AQP11: variants seen among roughly 807,000 people sequenced by gnomAD.
The protein encoded by AQP11 is aquaporin-11.
In AQP11, 20 loss-of-function variants were observed where a neutral mutation model predicts 21.1. The ratio of observed to expected loss-of-function variants is 0.95; its 90% CI spans 0.67 to 1.38. The LOEUF is 1.38. AQP11 is among the 40% of genes most tolerant of loss of function. The pLI is 0.00. For missense variants in AQP11, 339 were observed against 340.4 expected (o/e 1.00, Z 0.03); for synonymous variants, 167 against 150.1 (o/e 1.11, Z -0.82).
chr11:77,602,180 T>A (rs1045279254), intron 1 of AQP11, among the ~76,000 whole-genome samples: 5 of 152,194 alleles, frequency 3.3e-5, no homozygotes, highest in Admixed American at 3.3e-4. Context: ...GGTGTTCATC[T>A]TAGATCTAGT....
At chr11:77,594,910 G>A (rs12577552) in intron 1 of AQP11, among the ~76,000 whole-genome samples, 23,974 of 151,734 alleles carry the variant, frequency 0.16, 2,222 homozygotes, top group African/African-American at 0.23. Flanking sequence ...AAAGCTGTGC[G>A]ATTTATTAAC....
intron 1 of AQP11, among the ~76,000 whole-genome samples, chr11:77,596,373 G>A (rs935776205): frequency 4.7e-5 from 7 of 150,256 alleles, no homozygotes; most frequent in East Asian, 1.9e-4. Flanking sequence ...CCTGGGAGGC[G>A]GAGGTTGCAG....
chr11:77,609,172 G>A (rs896445987), intron 2 of AQP11, 126 bp from the exon 3 acceptor site: 24 of 584,164 alleles, frequency 4.1e-5, no homozygotes, highest in Non-Finnish European at 3.3e-5. Flanking sequence ...AATTGATGTA[G>A]CCAATTCTTT....
chr11:77,590,267 C>T lies in AQP11; in HGVS notation c.275C>T (p.Thr92Ile). Residue 92 changes from threonine to isoleucine, a missense_variant, in exon 1 of 3, where the codon ACT becomes ATT. Coordinates refer to ENST00000313578, the MANE Select transcript of AQP11 (RefSeq NM_173039.3). Reference sequence around the variant, plus strand: ...TTCTTCTCGCTTGTGCATGGCCTGACTCTGGTGGGCACGTCCAGCAACCCG... The same window carrying T: ...TTCTTCTCGCTTGTGCATGGCCTGATTCTGGTGGGCACGTCCAGCAACCCG... The part of the protein sequence containing the change: ...VYFFSLVHGL[T>I]LVGTSSNPCG... 1 of 1,602,726 alleles carries T rather than the reference C, an allele frequency of 6.2e-7. No homozygotes were observed. The highest frequency in any genetic ancestry group is 1.1e-5 in the South Asian group (1 of 89,752).
rs1191741282 is a variant in AQP11 at position 77,590,578 on chromosome 11, C to T, written c.586C>T (p.Leu196=). Residue 196 remains leucine, a synonymous_variant, in exon 1 of 3, where the codon CTG becomes TTG. Transcript: ENST00000313578. ...CCGAACCAAGCTTCGTATCCACCTG[C>T]TGGCTGCACTCATCACCTTTTTGGT... ...EVRTKLRIHL[L]AALITFLVYA... 1.2e-6 allele frequency: 2 copies of T among 1,614,128 alleles called. No homozygotes were observed. Among genetic ancestry groups the T allele is most frequent in the South Asian group, 2.2e-5 (2 of 91,082 alleles).
At chr11:77,601,403 C>T (rs888839238) in intron 1 of AQP11, among the ~76,000 whole-genome samples, 3 of 144,904 alleles carry the variant, frequency 2.1e-5, no homozygotes, top group African/African-American at 5.2e-5. Context: ...GGCTGGAGAG[C>T]GGTGGCACAA....
Position 77,603,614 on chromosome 11 carries a change from G to A in AQP11, c.678G>A (p.Met226Ile), listed in dbSNP as rs528278123. Reference sequence around the variant, plus strand: ...CTTTGGCACTTTCGCTACATTTCATGTGTTTTGATGAAGCATTCCCTCAGT... The same window carrying A: ...CTTTGGCACTTTCGCTACATTTCATATGTTTTGATGAAGCATTCCCTCAGT... ...NPALALSLHF[M>I]CFDEAFPQFF... Residue 226 changes from methionine to isoleucine, a missense_variant, in exon 2 of 3, where the codon ATG becomes ATA. Coordinates refer to ENST00000313578, the MANE Select transcript of AQP11 (RefSeq NM_173039.3). The A allele has an allele frequency of 3.1e-6, 5 of 1,609,724 alleles. No homozygotes were observed. In the East Asian group the frequency reaches 1.1e-4, roughly 36 times the overall value.
Position 77,603,558 on chromosome 11 carries a change from G to A in AQP11, c.622G>A (p.Gly208Arg), listed in dbSNP as rs1958827278. 1.3e-6 allele frequency: 2 copies of A among 1,575,700 alleles called. No homozygotes were observed. The highest frequency in any genetic ancestry group is 1.9e-5 in the Admixed American group (1 of 52,896). The change falls in exon 2 of 3, where the codon GGA (glycine) becomes AGA (arginine). Residue 208 changes from glycine (G) to arginine (R), a missense_variant and splice_region_variant. Gly to Arg is a moderately radical substitution (Grantham distance 125, BLOSUM62 -2). Transcript: ENST00000313578. The stretch of plus-strand genomic sequence containing the variant: ...ACTCTGCTTAAAATCTGTTACAGGA[G>A]GAAGTCTAACAGGAGCTGTATTTAA... ...ALITFLVYAG[G>R]SLTGAVFNPA...
intron 1 of AQP11, among the ~76,000 whole-genome samples, chr11:77,591,874 C>A (rs1192337484): frequency 1.3e-5 from 2 of 151,508 alleles, no homozygotes; most frequent in East Asian, 3.9e-4. Context: ...GACTCTGTCT[C>A]AAAAAAAAGA....
Position 77,590,589 on chromosome 11 carries a change from C to T in AQP11, c.597C>T (p.Leu199=). The T allele has an allele frequency of 6.2e-7, 1 of 1,613,960 alleles. No individual in the cohort carries two copies. Among genetic ancestry groups the T allele is most frequent in the Non-Finnish European group, 8.5e-7 (1 of 1,179,922 alleles). ...TKLRIHLLAA[L]ITFLVYAGGS... is the part of the protein sequence containing the mutation. ...TTCGTATCCACCTGCTGGCTGCACT[C>T]ATCACCTTTTTGGTCTATGCAGGTT... The change falls in exon 1 of 3, where the codon CTC becomes CTT. Residue 199 remains leucine, a synonymous_variant. Coordinates refer to ENST00000313578, the MANE Select transcript of AQP11 (RefSeq NM_173039.3).
At chr11:77,600,967 A>C (rs554757555) in intron 1 of AQP11, among the ~76,000 whole-genome samples, 1 of 151,286 alleles carries the variant, frequency 6.6e-6, no homozygotes. Flanking sequence ...AGCCGAGATC[A>C]TGCCACTGCA....
At chr11:77,604,089 A>G (rs186549814) in intron 2 of AQP11, among the ~76,000 whole-genome samples, 1 of 152,232 alleles carries the variant, frequency 6.6e-6, no homozygotes, top group East Asian at 1.9e-4. Flanking sequence ...TATCCACATT[A>G]CATTCCTGTT....
At chr11:77,608,839 T>C (rs1958861095) in intron 2 of AQP11, among the ~76,000 whole-genome samples, 1 of 152,206 alleles carries the variant, frequency 6.6e-6, no homozygotes, top group Non-Finnish European at 1.5e-5. Flanking sequence ...TTGAACATTC[T>C]AAGTGAAAAC....
chr11:77,590,282 C>A lies in AQP11; in HGVS notation c.290C>A (p.Ser97Tyr). The change falls in exon 1 of 3, where the codon TCC (serine) becomes TAC (tyrosine). Residue 97 changes from serine (S) to tyrosine (Y), a missense_variant. Physicochemically the swap from Ser to Tyr is moderately radical, Grantham distance 144. Transcript: ENST00000313578. ...CATGGCCTGACTCTGGTGGGCACGT[C>A]CAGCAACCCGTGCGGCGTGATGATG... is the stretch of plus-strand genomic sequence containing the variant. ...LVHGLTLVGT[S>Y]SNPCGVMMQM... is the part of the protein sequence containing the mutation. 1 of 1,604,228 alleles carries A rather than the reference C, an allele frequency of 6.2e-7. No homozygotes were observed. The highest frequency in any genetic ancestry group is 1.3e-5 in the African/African-American group (1 of 74,892).
At chr11:77,606,493 C>T (rs1027827145) in intron 2 of AQP11, among the ~76,000 whole-genome samples, 2 of 152,132 alleles carry the variant, frequency 1.3e-5, no homozygotes, top group African/African-American at 4.8e-5. Flanking sequence ...CACTTACCCC[C>T]TAATAATCCG....
In AQP11 at chr11:77,589,983, C is replaced by T. The variant is rs957255405; in HGVS notation, c.-10C>T. 3.4e-6 allele frequency: 5 copies of T among 1,472,570 alleles called. No individual in the cohort carries two copies. The highest frequency in any genetic ancestry group is 2.5e-5 in the East Asian group (1 of 40,636). 91.2% of individuals were successfully genotyped at this position (1,472,570 alleles called of 1,614,324 possible). ...CGGAGCCCGCAACCCGCTCAGGCGGCGACGGAGCCATGTCGCCGCTGCTGG... is the reference window on the plus strand; with the variant it reads ...CGGAGCCCGCAACCCGCTCAGGCGGTGACGGAGCCATGTCGCCGCTGCTGG... On this transcript the variant is annotated 5_prime_UTR_variant, in exon 1 of 3. Transcript: ENST00000313578.
chr11:77,600,425 G>T (rs1210847410), intron 1 of AQP11, among the ~76,000 whole-genome samples: 1 of 152,194 alleles, frequency 6.6e-6, no homozygotes, highest in African/African-American at 2.4e-5. Context: ...TAAACAAATA[G>T]TTGGGGTAGT....
chr11:77,590,811 A>G (rs572566012), intron 1 of AQP11, 200 bp downstream of exon 1: 1 of 985,424 alleles, frequency 1.0e-6, no homozygotes, highest in African/African-American at 1.7e-5. Context: ...TGCTTTGAAC[A>G]CCCAGAGAAA....
chr11:77,597,359 G>A (rs2135746435), intron 1 of AQP11, among the ~76,000 whole-genome samples: 1 of 152,288 alleles, frequency 6.6e-6, no homozygotes, highest in South Asian at 2.1e-4. Context: ...ATCGCTTGAG[G>A]CCAGGAGTTC....
Sources: allele counts gnomAD v4.1 joint callset (sites outside exome capture counted in the v4.1 genomes callset), GRCh38; gene constraint gnomAD v4.1.1; transcripts MANE v1.5; gene names NCBI Gene and HGNC (gene_info 2026-07-23, HGNC 2026-07-21).